Variants in NKAIN2 observed in about 807,000 individuals in gnomAD.
NKAIN2 encodes the protein sodium/potassium transporting ATPase interacting 2.
NKAIN2 carries 14 observed loss-of-function variants against 32.6 expected under a neutral mutation model. The observed-to-expected ratio is 0.43, with a 90% CI of 0.28 to 0.67. The LOEUF (loss-of-function observed/expected upper bound fraction) is 0.67. Ranked by LOEUF, NKAIN2 falls within the 30% of genes least tolerant of loss-of-function variation. NKAIN2 has a pLI of 0.17. For missense variants in NKAIN2, 198 were observed against 258.3 expected (o/e 0.77, Z 1.60); for synonymous variants, 80 against 87.2 (o/e 0.92, Z 0.46).
At position 123,964,478 on chromosome 6, in the gene NKAIN2, G is replaced by C. The variant is rs1408096089; in HGVS notation, c.54+160224G>C. 6.6e-6 allele frequency among the ~76,000 whole-genome samples: 1 copy of C among 152,120 alleles called. No homozygotes were observed. On this transcript the variant is annotated intron_variant, in intron 1 of 6. Transcript: ENST00000368417. The surrounding 1 kb of genome is among the most constrained non-coding windows in gnomAD (Gnocchi z 4.0). ...AGGTATATAAAAACTTCCCTTAAAA[G>C]TGGTCTCTGCTATGCAAACTAAGTT...
chr6:124,808,033 A>T (rs969481942), intron 5 of NKAIN2, among the ~76,000 whole-genome samples: 1 of 150,836 alleles, frequency 6.6e-6, no homozygotes, highest in African/African-American at 2.4e-5. Context: ...AGATGGATTC[A>T]CAGCCAAATT....
chr6:124,530,592 G>A (rs1779486599), intron 3 of NKAIN2, among the ~76,000 whole-genome samples: 1 of 152,266 alleles, frequency 6.6e-6, no homozygotes, highest in East Asian at 1.9e-4. Context: ...GACATATAAG[G>A]AGAGCTATTA....
intron 1 of NKAIN2, among the ~76,000 whole-genome samples, chr6:124,217,365 T>C (rs909260030): frequency 2.0e-5 from 3 of 152,202 alleles, no homozygotes; most frequent in Middle Eastern, 3.4e-3. Flanking sequence ...ATATAGTTAA[T>C]TTTAAAGCTC....
intron 1 of NKAIN2, among the ~76,000 whole-genome samples, chr6:124,125,266 TAAACA>T (rs1786101888): frequency 6.6e-6 from 1 of 152,228 alleles, no homozygotes; most frequent in Non-Finnish European, 1.5e-5. Context: ...CTTGCATGTA[TAAACA>T]TACATGCACA....
At chr6:123,894,972 G>A (rs553985176) in intron 1 of NKAIN2, among the ~76,000 whole-genome samples, 85 of 152,152 alleles carry the variant, frequency 5.6e-4, no homozygotes, top group African/African-American at 1.9e-3. Flanking sequence ...AATACAGACC[G>A]GAAGTGGATC....
At chr6:124,738,260 G>A (rs1167864928) in intron 4 of NKAIN2, among the ~76,000 whole-genome samples, 3 of 151,774 alleles carry the variant, frequency 2.0e-5, no homozygotes, top group South Asian at 2.1e-4. Flanking sequence ...GTTTTGTTAC[G>A]TGAGCAATCT....
chr6:123,902,341 G>C (rs1482023280), intron 1 of NKAIN2, among the ~76,000 whole-genome samples: 1 of 151,882 alleles, frequency 6.6e-6, no homozygotes. Flanking sequence ...ATCAGAAGTT[G>C]GCACTGTCTA....
chr6:124,132,203 C>G (rs1260685562), intron 1 of NKAIN2, among the ~76,000 whole-genome samples: 1 of 152,164 alleles, frequency 6.6e-6, no homozygotes, highest in African/African-American at 2.4e-5. Flanking sequence ...CCCTTTGGAA[C>G]ATAAACCCAT....
At chr6:124,253,028 G>A (rs1416003167) in intron 1 of NKAIN2, among the ~76,000 whole-genome samples, 1 of 152,094 alleles carries the variant, frequency 6.6e-6, no homozygotes, top group African/African-American at 2.4e-5. Flanking sequence ...AACAAAGAGA[G>A]GAAAAATACC....
chr6:123,965,586 G>A (rs1031102445), intron 1 of NKAIN2, among the ~76,000 whole-genome samples: 6 of 152,138 alleles, frequency 3.9e-5, no homozygotes, highest in Admixed American at 1.3e-4. Context: ...CATATCCTGC[G>A]ATCTAACCAA....
At chr6:124,352,496 AT>A (rs1798777842) in intron 2 of NKAIN2, among the ~76,000 whole-genome samples, 1 of 152,208 alleles carries the variant, frequency 6.6e-6, no homozygotes, top group South Asian at 2.1e-4. Flanking sequence ...CAGCATTGAC[AT>A]TTTTAAATAC....
chr6:124,404,572 G>A (rs571158223), intron 3 of NKAIN2, among the ~76,000 whole-genome samples: 5 of 151,994 alleles, frequency 3.3e-5, no homozygotes, highest in Non-Finnish European at 1.5e-5. Flanking sequence ...CAGTAAAAGA[G>A]TTGGCTAGAG....
At position 124,710,523 on chromosome 6, in the gene NKAIN2, G is replaced by C. The variant is rs551203202; in HGVS notation, c.474+52137G>C. On this transcript the variant is annotated intron_variant, in intron 4 of 6. Transcript: ENST00000368417. Reference sequence around the variant, plus strand: ...ATGAATCTGGGTGCTCCTGTATTGGGTGCGTATATATTTAGGTTAGTTAGC... The same window carrying C: ...ATGAATCTGGGTGCTCCTGTATTGGCTGCGTATATATTTAGGTTAGTTAGC... Among the ~76,000 whole-genome samples, 412 of 152,204 alleles carry C rather than the reference G, an allele frequency of 2.7e-3. 1 individual carries two copies. The highest frequency in any genetic ancestry group is 4.7e-3 in the Non-Finnish European group (319 of 68,030).
intron 4 of NKAIN2, among the ~76,000 whole-genome samples, chr6:124,765,947 C>G (rs1020639436): frequency 2.0e-5 from 3 of 152,156 alleles, no homozygotes; most frequent in African/African-American, 7.2e-5. Flanking sequence ...TTATATAAAA[C>G]TATCTCTATT....
chr6:123,972,405 G>A (rs1778385406), intron 1 of NKAIN2, among the ~76,000 whole-genome samples: 1 of 152,170 alleles, frequency 6.6e-6, no homozygotes, highest in African/African-American at 2.4e-5. Context: ...GAGACAAATA[G>A]CCTAATGGAA....
At chr6:124,081,724 T>G (rs182641439) in intron 1 of NKAIN2, among the ~76,000 whole-genome samples, 1 of 152,070 alleles carries the variant, frequency 6.6e-6, no homozygotes, top group South Asian at 2.1e-4. Flanking sequence ...AAATTCTGAC[T>G]TTTCAAGGCC....
intron 1 of NKAIN2, among the ~76,000 whole-genome samples, chr6:123,807,601 C>A (rs991056922): frequency 6.6e-6 from 1 of 151,908 alleles, no homozygotes; most frequent in Non-Finnish European, 1.5e-5. Flanking sequence ...AATCAGAGTT[C>A]TTTTATAAAT....
At chr6:123,923,972 TA>T (rs1411854127) in intron 1 of NKAIN2, among the ~76,000 whole-genome samples, 1 of 151,818 alleles carries the variant, frequency 6.6e-6, no homozygotes, top group Non-Finnish European at 1.5e-5. Flanking sequence ...TTAAAAAAAT[TA>T]AAAAAAGGAT....
chr6:124,735,008 A>G (rs1018339282), intron 4 of NKAIN2, among the ~76,000 whole-genome samples: 3 of 151,918 alleles, frequency 2.0e-5, no homozygotes, highest in Admixed American at 6.6e-5. Context: ...AATGTCATCA[A>G]CATTATAGTA....
Sources: gnomAD v4.1 joint callset for allele counts (sites outside exome capture counted in the v4.1 genomes callset) on GRCh38, gnomAD v4.1.1 for gene constraint, Gnocchi (gnomAD v3.1) non-coding constraint, MANE v1.5 for transcripts, NCBI Gene and HGNC (gene_info 2026-07-23, HGNC 2026-07-21) for gene names.